CLOCK: variants seen among roughly 807,000 people sequenced by gnomAD.
CLOCK encodes circadian locomoter output cycles protein kaput.
A neutral mutation model predicts 118.4 loss-of-function variants in CLOCK; 43 were observed. That is an observed-to-expected ratio of 0.36 (90% confidence interval 0.28 to 0.47). The LOEUF (loss-of-function observed/expected upper bound fraction) is 0.47, where lower values mean the gene tolerates loss of function less well. Ranked by LOEUF, CLOCK falls within the 20% of genes least tolerant of loss-of-function variation. The pLI is 1.00. For missense variants in CLOCK, 846 were observed against 999.9 expected, an observed-to-expected ratio of 0.85 and a Z score of 2.08; for synonymous variants, 326 against 339.2, an observed-to-expected ratio of 0.96 and a Z score of 0.43.
rs796904669 is a variant in CLOCK, at chr4:55,432,444, TAAG to T, written c.*2968_*2970del. ...AAGTACCACCCAGAATAAGTGTTTT[TAAG>T]AAAGTGAGAATAAAGCAGAGGGAAG... On this transcript the variant is annotated 3_prime_UTR_variant, in exon 23 of 23. Transcript: ENST00000513440. 1.0e-4 allele frequency: 15 copies of T among 149,836 alleles called. No individual in the cohort carries two copies. The highest frequency in any genetic ancestry group is 3.4e-4 in the African/African-American group (14 of 41,174). 9.3% of individuals were successfully genotyped at this position (149,836 alleles called of 1,614,324 possible).
chr4:55,501,126 T>G (rs1398520527), intron 2 of CLOCK, among the ~76,000 whole-genome samples: 7 of 152,014 alleles, frequency 4.6e-5, no homozygotes, highest in Non-Finnish European at 1.0e-4. Flanking sequence ...AGTGTTTGGA[T>G]TACAGGCATG....
chr4:55,483,196 C>T (rs1727048042), intron 3 of CLOCK, among the ~76,000 whole-genome samples: 1 of 152,132 alleles, frequency 6.6e-6, no homozygotes, highest in Non-Finnish European at 1.5e-5. Context: ...TTCTGCTAAA[C>T]AGTACAGCAG....
At chr4:55,441,716 C>T (rs1723383773) in intron 21 of CLOCK, among the ~76,000 whole-genome samples, 1 of 152,080 alleles carries the variant, frequency 6.6e-6, no homozygotes, top group South Asian at 2.1e-4. Flanking sequence ...ATATAATAGA[C>T]TTTGGAGGAG....
intron 1 of CLOCK, among the ~76,000 whole-genome samples, chr4:55,539,253 AAC>A (rs1553904565): frequency 1.9e-4 from 29 of 150,986 alleles, no homozygotes; most frequent in South Asian, 6.3e-4. Context: ...CAACAACAAC[AAC>A]AAAAAAAACA....
intron 9 of CLOCK, among the ~76,000 whole-genome samples, chr4:55,460,748 C>T (rs1220638506): frequency 6.6e-6 from 1 of 152,172 alleles, no homozygotes; most frequent in Admixed American, 6.6e-5. Context: ...TTGCTCACTA[C>T]TTCAAGCTTA....
chr4:55,482,429 C>G (rs1243133075), intron 4 of CLOCK, among the ~76,000 whole-genome samples: 1 of 152,242 alleles, frequency 6.6e-6, no homozygotes, highest in African/African-American at 2.4e-5. Flanking sequence ...AAAAAGGACT[C>G]CAGAAGGTTC....
At chr4:55,477,501 GT>G (rs1345837984) in intron 6 of CLOCK, among the ~76,000 whole-genome samples, 1 of 152,058 alleles carries the variant, frequency 6.6e-6, no homozygotes, top group Non-Finnish European at 1.5e-5. Flanking sequence ...ATTTTTTCAG[GT>G]TTAAGTCTTA....
At chr4:55,521,592 G>C (rs1729848256) in intron 1 of CLOCK, among the ~76,000 whole-genome samples, 1 of 152,186 alleles carries the variant, frequency 6.6e-6, no homozygotes, top group Non-Finnish European at 1.5e-5. Context: ...TCTGATTCTT[G>C]CTATGGTTAT....
chr4:55,518,642 T>C (rs1338782310), intron 1 of CLOCK, among the ~76,000 whole-genome samples: 1 of 152,170 alleles, frequency 6.6e-6, no homozygotes, highest in Non-Finnish European at 1.5e-5. Context: ...AGTGCCCTTA[T>C]AAAAGGCCTG....
rs371467819 is a variant in CLOCK at position 55,458,264 on chromosome 4, G to A, written c.792+628C>T. 2.7e-3 allele frequency among the ~76,000 whole-genome samples: 407 copies of A among 152,170 alleles called. 1 individual carries two copies. The highest frequency in any genetic ancestry group is 9.4e-3 in the African/African-American group (392 of 41,516). On this transcript the variant is annotated intron_variant, in intron 11 of 22. Transcript: ENST00000513440. ...TTTTGTAGAGATGGGGTCTTGTCACGTTGCCCAGGCTGGTCTCAAACTACT... is the reference window on the plus strand; with the variant it reads ...TTTTGTAGAGATGGGGTCTTGTCACATTGCCCAGGCTGGTCTCAAACTACT...
At chr4:55,476,224 G>A (rs1433741413) in intron 6 of CLOCK, among the ~76,000 whole-genome samples, 170 bp from the exon 7 acceptor site, 2 of 152,102 alleles carry the variant, frequency 1.3e-5, no homozygotes, top group Non-Finnish European at 2.9e-5. Context: ...AAATATTTGA[G>A]ATAACATGGC....
intron 1 of CLOCK, among the ~76,000 whole-genome samples, chr4:55,522,843 C>G (rs967929176): frequency 1.3e-5 from 2 of 152,120 alleles, no homozygotes; most frequent in African/African-American, 4.8e-5. Context: ...ATGACTAACT[C>G]TAAGCTTGAA....
intron 8 of CLOCK, among the ~76,000 whole-genome samples, chr4:55,467,076 G>A (rs1725785329): frequency 6.6e-6 from 1 of 152,024 alleles, no homozygotes; most frequent in African/African-American, 2.4e-5. Flanking sequence ...CCATTTTTCT[G>A]TACATCTAAA....
chr4:55,514,704 T>G (rs1165584045), intron 1 of CLOCK, among the ~76,000 whole-genome samples: 1 of 152,180 alleles, frequency 6.6e-6, no homozygotes, highest in Non-Finnish European at 1.5e-5. Flanking sequence ...TGTAATGGAT[T>G]AATTTCTTAC....
intron 2 of CLOCK, among the ~76,000 whole-genome samples, chr4:55,504,443 CCTCAAAGTAAATG>C (rs1376776769): frequency 6.6e-6 from 1 of 151,894 alleles, no homozygotes; most frequent in African/African-American, 2.4e-5. Flanking sequence ...GAATATAATG[CCTCAAAGTAAATG>C]CTCAAAATTG....
At chr4:55,479,907 A>G (rs1345937908) in intron 4 of CLOCK, among the ~76,000 whole-genome samples, 1 of 152,208 alleles carries the variant, frequency 6.6e-6, no homozygotes, top group Non-Finnish European at 1.5e-5. Context: ...ATAAATTGTA[A>G]AAGTATTTAT....
At chr4:55,490,228 C>T (rs4864543) in intron 2 of CLOCK, among the ~76,000 whole-genome samples, 46,188 of 151,664 alleles carry the variant, frequency 0.3, 7,632 homozygotes, top group East Asian at 0.58. Context: ...AGTGACCATA[C>T]TTAGATAAAA....
intron 5 of CLOCK, 153 bp from the exon 6 acceptor site, chr4:55,479,116 G>T (rs758183461): frequency 4.0e-4 from 236 of 583,764 alleles, no homozygotes; most frequent in Non-Finnish European, 5.7e-4. Context: ...AGTTAATTTG[G>T]GCAATAATTT....
chr4:55,438,410 G>A lies in CLOCK; in HGVS notation c.2233C>T (p.Gln745Ter). The A allele has an allele frequency of 6.2e-7, 1 of 1,613,918 alleles. No individual in the cohort carries two copies. The highest frequency in any genetic ancestry group is 8.5e-7 in the Non-Finnish European group (1 of 1,179,980). The change falls in exon 22 of 23, where the codon CAG becomes TAG. Residue 745 changes from glutamine to a stop codon, truncating the protein, a stop_gained. Transcript: ENST00000513440. LOFTEE classifies it high-confidence loss of function. ...ACTGACAATGTCTGTGACTGTTGCT[G>A]TTGTGTAGCAAAAGTAGGATATGCA... ...VTAYPTFATQ[Q>*]QQSQTLSVTQ...
Sources: allele counts gnomAD v4.1 joint callset (sites outside exome capture counted in the v4.1 genomes callset), GRCh38; gene constraint gnomAD v4.1.1; transcripts MANE v1.5; gene names NCBI Gene and HGNC (gene_info 2026-07-23, HGNC 2026-07-21).